KIRREL3: variants seen among roughly 807,000 people sequenced by gnomAD.
KIRREL3 encodes kin of IRRE-like protein 3.
In KIRREL3, 36 loss-of-function variants were observed where a neutral mutation model predicts 89.7. The observed-to-expected ratio is 0.40, with a 90% CI of 0.31 to 0.53. KIRREL3 has a LOEUF of 0.53. Among genes scored for constraint, KIRREL3 ranks in the 20% least tolerant of loss-of-function variants. The probability of loss-of-function intolerance (pLI) is 0.49; values close to 1 mark genes in which losing one functional copy is unlikely to be tolerated. For missense variants in KIRREL3, 864 were observed against 1,056.6 expected, an observed-to-expected ratio of 0.82 and a Z score of 2.53; for synonymous variants, 445 against 441.4, an observed-to-expected ratio of 1.01 and a Z score of -0.10.
In KIRREL3 at chr11:126,719,488, T is replaced by A. The variant is rs1437040408; in HGVS notation, c.56-156576A>T. Among the ~76,000 whole-genome samples the A allele has an allele frequency of 6.6e-6, 1 of 152,208 alleles. No homozygotes were observed. The highest frequency in any genetic ancestry group is 1.5e-5 in the Non-Finnish European group (1 of 68,036). On this transcript the variant is annotated intron_variant, in intron 1 of 16. Transcript: ENST00000525144. The surrounding 1 kb of genome is among the most constrained non-coding windows in gnomAD (Gnocchi z 4.7). ...GCCTAGGTGATCTTACTTAGTCCCA[T>A]GGCTTTCATTCCACCCGCATGCTGA...
chr11:126,472,027 G>A (rs551795462), intron 5 of KIRREL3, among the ~76,000 whole-genome samples: 5 of 152,294 alleles, frequency 3.3e-5, no homozygotes, highest in Non-Finnish European at 5.9e-5. Flanking sequence ...TGGAGATGGT[G>A]GAGCCTAAAC....
chr11:126,911,675 A>G (rs1016887420), intron 1 of KIRREL3, among the ~76,000 whole-genome samples: 7 of 152,104 alleles, frequency 4.6e-5, no homozygotes, highest in African/African-American at 1.7e-4. Flanking sequence ...GCCCCAGCAG[A>G]TGGTGGGATG....
chr11:126,848,445 T>C (rs763878594), intron 1 of KIRREL3, among the ~76,000 whole-genome samples: 1 of 152,176 alleles, frequency 6.6e-6, no homozygotes, highest in African/African-American at 2.4e-5. Flanking sequence ...TTTCCTGCAA[T>C]GTAGGCTGAC....
rs1944555140 is a variant in KIRREL3, at chr11:126,643,634, A to G, written c.56-80722T>C. 1.3e-5 allele frequency among the ~76,000 whole-genome samples: 2 copies of G among 152,232 alleles called. No individual in the cohort carries two copies. The highest frequency in any genetic ancestry group is 1.3e-4 in the Admixed American group (2 of 15,288). Reference sequence around the variant, plus strand: ...ATTAGTAGGGATTCTGGAGCAAGGCATAACTGTGGTTTAGGAAGATCAATG... The same window carrying G: ...ATTAGTAGGGATTCTGGAGCAAGGCGTAACTGTGGTTTAGGAAGATCAATG... On this transcript the variant is annotated intron_variant, in intron 1 of 16. Transcript: ENST00000525144. The surrounding 1 kb of genome is among the most constrained non-coding windows in gnomAD (Gnocchi z 4.5).
In KIRREL3 at chr11:126,771,073, G is replaced by T. The variant is rs895693521; in HGVS notation, c.56-208161C>A. ...CTGGGATTGAACTCCTGACCTCAGG[G>T]TGATCCGCTTGCCTTGGCATCCCAA... On this transcript the variant is annotated intron_variant, in intron 1 of 16. Coordinates refer to ENST00000525144, the MANE Select transcript of KIRREL3 (RefSeq NM_032531.4). This position sits in a 1 kb window ranked among gnomAD's most constrained non-coding sequence, Gnocchi z 4.4. Among the ~76,000 whole-genome samples, 2 of 152,254 alleles carry T rather than the reference G, an allele frequency of 1.3e-5. No individual in the cohort carries two copies. Among genetic ancestry groups the T allele is most frequent in the African/African-American group, 2.4e-5 (1 of 41,556 alleles).
At chr11:126,815,506 C>A (rs150041879) in intron 1 of KIRREL3, among the ~76,000 whole-genome samples, 19 of 152,138 alleles carry the variant, frequency 1.2e-4, no homozygotes, top group Non-Finnish European at 1.8e-4. Context: ...CATGTAGTAG[C>A]ATTTCATAAA....
chr11:126,936,607 C>T (rs923177002), intron 1 of KIRREL3: 1 of 148,716 alleles, frequency 6.7e-6, no homozygotes, highest in Non-Finnish European at 1.5e-5. Flanking sequence ...ATGCATGCTA[C>T]TACACGGATG....
At chr11:126,595,604 G>T (rs1384796736) in intron 1 of KIRREL3, among the ~76,000 whole-genome samples, 1 of 152,222 alleles carries the variant, frequency 6.6e-6, no homozygotes, top group African/African-American at 2.4e-5. Flanking sequence ...GGACTCAGTG[G>T]CTATGACTCA....
Position 126,605,487 on chromosome 11 carries a change from T to C in KIRREL3, c.56-42575A>G, listed in dbSNP as rs1019049046. On this transcript the variant is annotated intron_variant, in intron 1 of 16. Coordinates refer to ENST00000525144, the MANE Select transcript of KIRREL3 (RefSeq NM_032531.4). This position sits in a 1 kb window ranked among gnomAD's most constrained non-coding sequence, Gnocchi z 5.7. Reference sequence around the variant, plus strand: ...ATGGGACCTACTTCATGGGACATGATGGATGAGACTCAGGATGCCAGGAGG... The same window carrying C: ...ATGGGACCTACTTCATGGGACATGACGGATGAGACTCAGGATGCCAGGAGG... Among the ~76,000 whole-genome samples, 2 of 152,078 alleles carry C rather than the reference T, an allele frequency of 1.3e-5. No homozygotes were observed. The highest frequency in any genetic ancestry group is 2.9e-5 in the Non-Finnish European group (2 of 68,008).
intron 1 of KIRREL3, among the ~76,000 whole-genome samples, chr11:126,741,273 C>T (rs1948973655): frequency 6.6e-6 from 1 of 152,170 alleles, no homozygotes. Flanking sequence ...CCATCACCTA[C>T]CTGTGATATG....
At chr11:126,871,286 A>G (rs1301941642) in intron 1 of KIRREL3, among the ~76,000 whole-genome samples, 3 of 152,154 alleles carry the variant, frequency 2.0e-5, no homozygotes, top group Admixed American at 1.3e-4. Flanking sequence ...GGGGAGGGAC[A>G]TGCAGGACCA....
At chr11:126,727,777 C>A (rs1297695707) in intron 1 of KIRREL3, among the ~76,000 whole-genome samples, 1 of 152,206 alleles carries the variant, frequency 6.6e-6, no homozygotes, top group Non-Finnish European at 1.5e-5. Context: ...TCTGTGAGGA[C>A]AAAAGAACTA....
At chr11:126,436,719 C>T (rs1955353743) in intron 12 of KIRREL3, 92 bp downstream of exon 12, 2 of 1,391,662 alleles carry the variant, frequency 1.4e-6, no homozygotes, top group Non-Finnish European at 2.0e-6. Flanking sequence ...GGCCCTGGCC[C>T]ACCTTGCAGC....
At position 126,907,384 on chromosome 11, in the gene KIRREL3, T is replaced by C. The variant is rs185921137; in HGVS notation, c.55+93071A>G. 8.9e-4 allele frequency among the ~76,000 whole-genome samples: 135 copies of C among 152,274 alleles called. 1 individual carries two copies. The highest frequency in any genetic ancestry group is 8.6e-3 in the Admixed American group (132 of 15,304). On this transcript the variant is annotated intron_variant, in intron 1 of 16. Coordinates refer to ENST00000525144, the MANE Select transcript of KIRREL3 (RefSeq NM_032531.4). ...ATATCATAGTTTCCCCAGCACTTTG[T>C]GAAGGCTGCGATAGAGAGGAAATTG... is the stretch of plus-strand genomic sequence containing the variant.
In KIRREL3 at chr11:126,747,736, C is replaced by T. The variant is rs1346313599; in HGVS notation, c.56-184824G>A. Among the ~76,000 whole-genome samples the T allele has an allele frequency of 1.3e-5, 2 of 152,200 alleles. No individual in the cohort carries two copies. The highest frequency in any genetic ancestry group is 3.9e-4 in the East Asian group (2 of 5,178). On this transcript the variant is annotated intron_variant, in intron 1 of 16. Coordinates refer to ENST00000525144, the MANE Select transcript of KIRREL3 (RefSeq NM_032531.4). The surrounding 1 kb of genome is among the most constrained non-coding windows in gnomAD (Gnocchi z 4.7). ...CTGTCACAGAGTAAGCACTCAGCGCCGTGAATGAAGGAATGGGGTGAGGGA... is the reference window on the plus strand; with the variant it reads ...CTGTCACAGAGTAAGCACTCAGCGCTGTGAATGAAGGAATGGGGTGAGGGA...
intron 1 of KIRREL3, among the ~76,000 whole-genome samples, chr11:126,590,979 T>C (rs966483795): frequency 1.3e-5 from 2 of 152,186 alleles, no homozygotes; most frequent in Non-Finnish European, 2.9e-5. Flanking sequence ...TCCCAGCACT[T>C]TGGGAGGCCG....
At position 126,476,139 on chromosome 11, in the gene KIRREL3, C is replaced by T. The variant is rs1280765811; in HGVS notation, c.434-2673G>A. On this transcript the variant is annotated intron_variant, in intron 4 of 16. Transcript: ENST00000525144. The surrounding 1 kb of genome is among the most constrained non-coding windows in gnomAD (Gnocchi z 6.4). ...GGAACTGACCGCTCTCCAGCACGGA[C>T]ATTTACTGGGCCTTGGACAGGGGTT... Among the ~76,000 whole-genome samples the T allele has an allele frequency of 6.6e-6, 1 of 152,208 alleles. No homozygotes were observed. Among genetic ancestry groups the T allele is most frequent in the African/African-American group, 2.4e-5 (1 of 41,456 alleles).
intron 1 of KIRREL3, among the ~76,000 whole-genome samples, chr11:126,840,827 A>G (rs935908646): frequency 6.6e-6 from 1 of 152,220 alleles, no homozygotes. Context: ...CTTTTATTTT[A>G]CCTAATAATG....
intron 1 of KIRREL3, among the ~76,000 whole-genome samples, chr11:126,966,255 G>T (rs147651075): frequency 6.6e-6 from 1 of 152,146 alleles, no homozygotes; most frequent in Non-Finnish European, 1.5e-5. Flanking sequence ...TGTTTACAGG[G>T]TTTAATATTT....
Sources: allele counts gnomAD v4.1 joint callset (sites outside exome capture counted in the v4.1 genomes callset), GRCh38; gene constraint gnomAD v4.1.1; non-coding constraint Gnocchi (gnomAD v3.1); transcripts MANE v1.5; gene names NCBI Gene and HGNC (gene_info 2026-07-23, HGNC 2026-07-21).